PAGE1: variants seen among roughly 807,000 people sequenced by gnomAD.
PAGE1 encodes P antigen family member 1.
Under a neutral mutation model 11.5 loss-of-function variants are expected in PAGE1, and 6 were observed. The ratio of observed to expected loss-of-function variants is 0.52; its 90% CI spans 0.29 to 1.03. PAGE1 has a LOEUF of 1.03. Ranked by LOEUF, PAGE1 falls within the 50% of genes least tolerant of loss-of-function variation. The probability of loss-of-function intolerance (pLI) is 0.09; values close to 1 mark genes in which losing one functional copy is unlikely to be tolerated. For missense variants in PAGE1, 120 were observed against 110.2 expected (o/e 1.09, Z -0.40); for synonymous variants, 42 against 40.2 (o/e 1.05, Z -0.17).
At chrX:49,694,054 A>C in intron 3 of PAGE1, 45 bp downstream of exon 3, 1 of 754,455 alleles carries the variant, frequency 1.3e-6, no homozygotes, top group Non-Finnish European at 2.0e-6. Context: ...ACACACACAC[A>C]CACACACACA....
At position 49,694,250 on chromosome X, in the gene PAGE1, T is replaced by C. The variant is rs782336330; in HGVS notation, c.64-49A>G. 1.5e-5 allele frequency: 11 copies of C among 711,805 alleles called. No homozygotes were observed. The South Asian group carries it at 2.0e-4, about 13-fold the overall frequency. 58.7% of individuals were successfully genotyped at this position (711,805 alleles called of 1,213,427 possible). On this transcript the variant is annotated intron_variant, in intron 2 of 5. Transcript: ENST00000376150. ...GAGTGTGCAAAGACAAAAAGTTTTG[T>C]TATTAATACATGTCAAAAAATATAT...
In PAGE1 at chrX:49,690,091, G is replaced by GTATATATACACA. The variant is rs782237828; in HGVS notation, c.293-549_293-548insTGTGTATATATA. On this transcript the variant is annotated intron_variant, in intron 4 of 5. Coordinates refer to ENST00000376150, the MANE Select transcript of PAGE1 (RefSeq NM_003785.4). ...CACACATATATATGTGTATATATGTGTATATATGTGTATATATACACATAT... is the reference window on the plus strand; with the variant it reads ...CACACATATATATGTGTATATATGTGTATATATACACATATATATGTGTATATATACACATAT... 8.9e-4 allele frequency among the ~76,000 whole-genome samples: 46 copies of GTATATATACACA among 51,680 alleles called. 2 individuals carry two copies. The highest frequency in any genetic ancestry group is 4.2e-3 in the Admixed American group (18 of 4,258). The allele number at this position is 51,680 out of a possible 115,157, so 44.9% of individuals were successfully genotyped here. A position where few individuals can be genotyped will look rare whatever the true frequency, so the allele number is the denominator to read the frequency against.
chrX:49,691,228 C>T (rs1557142181), intron 4 of PAGE1, 21 bp downstream of exon 4: 5 of 1,201,511 alleles, frequency 4.2e-6, no homozygotes, highest in Non-Finnish European at 5.6e-6. Context: ...CTACAATTTG[C>T]ATGCTTAATG....
intron 3 of PAGE1, among the ~76,000 whole-genome samples, chrX:49,693,535 A>G (rs1187523259): frequency 9.0e-6 from 1 of 111,715 alleles, no homozygotes; most frequent in Non-Finnish European, 1.9e-5. Context: ...CACTTAAAAA[A>G]TCATACTACA....
intron 3 of PAGE1, among the ~76,000 whole-genome samples, chrX:49,693,078 T>C (rs59259314): frequency 0.019 from 2,122 of 111,957 alleles, 51 homozygotes; most frequent in African/African-American, 0.065. Context: ...TGTCAGTTTC[T>C]GAAGGATTGA....
chrX:49,693,897 T>C (rs1181352216), intron 3 of PAGE1, among the ~76,000 whole-genome samples: 1 of 110,553 alleles, frequency 9.0e-6, no homozygotes, highest in African/African-American at 3.3e-5. Context: ...AATTTTATCA[T>C]AGTGAGGGAT....
chrX:49,690,061 A>T (rs5953336), intron 4 of PAGE1, among the ~76,000 whole-genome samples: 1 of 70,718 alleles, frequency 1.4e-5, no homozygotes, highest in South Asian at 9.4e-4. Context: ...ATATATGTGT[A>T]TATACACACA....
At chrX:49,692,439 G>C (rs1459156684) in intron 3 of PAGE1, among the ~76,000 whole-genome samples, 2 of 111,534 alleles carry the variant, frequency 1.8e-5, no homozygotes, top group African/African-American at 6.5e-5. Context: ...AGCAGGGTAA[G>C]AGAGGGAGGG....
At chrX:49,690,077 ATGTGTATATATGTGTATATATG>A (rs1362667867) in intron 4 of PAGE1, among the ~76,000 whole-genome samples, 2 of 54,923 alleles carry the variant, frequency 3.6e-5, no homozygotes, top group African/African-American at 1.3e-4. Context: ...ACACATATAT[ATGTGTATATATGTGTATATATG>A]TGTATATATA....
intron 4 of PAGE1, 139 bp downstream of exon 4, chrX:49,691,110 G>A (rs1359308680): frequency 3.9e-6 from 2 of 512,210 alleles, no homozygotes; most frequent in Non-Finnish European, 6.1e-6. Context: ...CCCAGCAGGT[G>A]GATGTTGCAG....
intron 4 of PAGE1, 96 bp from the exon 5 acceptor site, chrX:49,689,639 T>TATAC (rs2066901293): frequency 1.1e-5 from 1 of 90,179 alleles, no homozygotes; most frequent in African/African-American, 8.3e-5. Flanking sequence ...TACATATACA[T>TATAC]ATATATGTGT....
chrX:49,694,804 A>G lies in PAGE1; in HGVS notation c.-8-26T>C, dbSNP rs781977830. On this transcript the variant is annotated intron_variant, in intron 1 of 5. Transcript: ENST00000376150. ...CTGAAAAGAGAAAATTGTGATTGGG[A>G]ACATGCACTTGAGAGGACAGCTATA... The G allele has an allele frequency of 3.3e-6, 3 of 903,305 alleles. No homozygotes were observed. The South Asian group carries it at 6.4e-5, about 19-fold the overall frequency. The allele number at this position is 903,305 out of a possible 1,213,427, so 74.4% of individuals were successfully genotyped here.
intron 4 of PAGE1, among the ~76,000 whole-genome samples, chrX:49,689,864 GTATATA>G (rs782243466): frequency 1.8e-5 from 1 of 54,838 alleles, no homozygotes; most frequent in African/African-American, 9.9e-5. Context: ...ATATAGGTGT[GTATATA>G]TGTGTATATA....
chrX:49,694,036 A>T, intron 3 of PAGE1, 63 bp downstream of exon 3: 1 of 559,990 alleles, frequency 1.8e-6, no homozygotes, highest in Non-Finnish European at 2.9e-6. Flanking sequence ...ACACACACAC[A>T]CACACACACA....
In PAGE1 at chrX:49,689,504, G is replaced by A. The variant is rs1557141454; in HGVS notation, c.332C>T (p.Pro111Leu). ...ATCTCCGCGCTCACACCCAGTCTTC[G>A]GGTGAACCTGTTCCTGGCTATCCGC... Reference protein sequence around the residue: ...PEADSQEQVHPKTGCERGDGP... With the variant: ...PEADSQEQVHLKTGCERGDGP... Residue 111 changes from proline (P) to leucine (L), a missense_variant, in exon 5 of 6, where the codon CCG (proline) becomes CTG (leucine). Coordinates refer to ENST00000376150, the MANE Select transcript of PAGE1 (RefSeq NM_003785.4). The A allele has an allele frequency of 1.4e-5, 13 of 955,787 alleles. No individual in the cohort carries two copies. Among genetic ancestry groups the A allele is most frequent in the East Asian group, 5.6e-5 (1 of 17,879 alleles). 78.8% of individuals were successfully genotyped at this position (955,787 alleles called of 1,213,427 possible).
chrX:49,689,735 C>T (rs781795239), intron 4 of PAGE1, among the ~76,000 whole-genome samples, 192 bp from the exon 5 acceptor site: 2 of 57,539 alleles, frequency 3.5e-5, no homozygotes, highest in African/African-American at 1.6e-4. Flanking sequence ...TATATATACA[C>T]ACATATATGT....
chrX:49,691,311 T>C lies in PAGE1; in HGVS notation c.230A>G (p.Asp77Gly). 8.3e-7 allele frequency: 1 copy of C among 1,209,462 alleles called. No homozygotes were observed. Among genetic ancestry groups the C allele is most frequent in the Non-Finnish European group, 1.1e-6 (1 of 893,472 alleles). The stretch of plus-strand genomic sequence containing the variant: ...GCACACCCTCTTGGTATCAGGACCA[T>C]CTCCAAGCTCACACCCAGTCTTTGG... ...VQPKTGCELGDGPDTKRVCLR... is the reference protein window; with the variant it reads ...VQPKTGCELGGGPDTKRVCLR... The change falls in exon 4 of 6, where the codon GAT (aspartate) becomes GGT (glycine). Residue 77 changes from aspartate (D) to glycine (G), a missense_variant. Coordinates refer to ENST00000376150, the MANE Select transcript of PAGE1 (RefSeq NM_003785.4).
At chrX:49,692,308 A>T (rs2066923375) in intron 3 of PAGE1, among the ~76,000 whole-genome samples, 2 of 111,651 alleles carry the variant, frequency 1.8e-5, no homozygotes, top group Non-Finnish European at 3.8e-5. Context: ...TGTTCTGAGG[A>T]TATATAAACA....
chrX:49,695,688 G>A (rs1257342536), intron 1 of PAGE1, among the ~76,000 whole-genome samples, 181 bp downstream of exon 1: 1 of 112,180 alleles, frequency 8.9e-6, no homozygotes. Context: ...CCACAAAGCC[G>A]ATGGCGGCGT....
Sources: gnomAD v4.1 joint callset for allele counts (sites outside exome capture counted in the v4.1 genomes callset) on GRCh38, gnomAD v4.1.1 for gene constraint, MANE v1.5 for transcripts, NCBI Gene and HGNC (gene_info 2026-07-23, HGNC 2026-07-21) for gene names.